ZFAND3: variants seen among roughly 807,000 people sequenced by gnomAD.
ZFAND3 encodes the protein zinc finger AN1-type containing 3, also known as AN1-type zinc finger protein 3.
A neutral mutation model predicts 29.6 loss-of-function variants in ZFAND3; 10 were observed. That is an observed-to-expected ratio of 0.34 (90% CI 0.21 to 0.57). The LOEUF (loss-of-function observed/expected upper bound fraction) is 0.57, where lower values mean the gene tolerates loss of function less well. Among genes scored for constraint, ZFAND3 ranks in the 20% least tolerant of loss-of-function variants. The probability of loss-of-function intolerance (pLI) is 0.86; values close to 1 mark genes in which losing one functional copy is unlikely to be tolerated. For missense variants in ZFAND3, 230 were observed against 304.5 expected (o/e 0.76, Z 1.82); for synonymous variants, 128 against 112.6 (o/e 1.14, Z -0.87).
At chr6:38,052,677 A>G (rs1220843466) in intron 2 of ZFAND3, among the ~76,000 whole-genome samples, 6 of 152,120 alleles carry the variant, frequency 3.9e-5, no homozygotes. Flanking sequence ...GAGTTCAAAT[A>G]TGAGTAGGAT....
chr6:38,012,075 G>T (rs546811029), intron 2 of ZFAND3, among the ~76,000 whole-genome samples: 74 of 152,246 alleles, frequency 4.9e-4, no homozygotes, highest in African/African-American at 1.7e-3. Context: ...CACTGCGTCA[G>T]TTATGTTAAA....
intron 2 of ZFAND3, among the ~76,000 whole-genome samples, chr6:37,952,073 A>AT (rs1445412330): frequency 3.3e-5 from 5 of 152,194 alleles, no homozygotes; most frequent in Non-Finnish European, 7.3e-5. Context: ...ATAGTGGATT[A>AT]GCTTTATGAT....
intron 4 of ZFAND3, among the ~76,000 whole-genome samples, chr6:38,109,200 T>C (rs943019671): frequency 3.3e-5 from 5 of 150,052 alleles, no homozygotes; most frequent in Admixed American, 3.3e-4. Context: ...TTTTTTTTCT[T>C]GAGACAGAGT....
chr6:38,149,366 C>T (rs1024272040), intron 5 of ZFAND3, among the ~76,000 whole-genome samples: 1 of 149,544 alleles, frequency 6.7e-6, no homozygotes, highest in Non-Finnish European at 1.5e-5. Context: ...GAGCTAGGAT[C>T]GCACCACAGC....
intron 1 of ZFAND3, among the ~76,000 whole-genome samples, chr6:37,868,609 T>C (rs980190564): frequency 2.0e-5 from 3 of 152,168 alleles, no homozygotes; most frequent in Non-Finnish European, 2.9e-5. Context: ...CCAAAGAGTT[T>C]TGAGAAAGTG....
At chr6:38,016,611 C>A (rs1340551269) in intron 2 of ZFAND3, among the ~76,000 whole-genome samples, 2 of 152,160 alleles carry the variant, frequency 1.3e-5, no homozygotes, top group South Asian at 2.1e-4. Context: ...GTTAAACTTA[C>A]AATTTTGCAG....
intron 4 of ZFAND3, among the ~76,000 whole-genome samples, chr6:38,093,516 G>A (rs1049627046): frequency 6.6e-6 from 1 of 152,152 alleles, no homozygotes; most frequent in Non-Finnish European, 1.5e-5. Flanking sequence ...GAAGAAGAAT[G>A]GGGGGTAAGG....
At chr6:38,007,723 C>T (rs1027290309) in intron 2 of ZFAND3, among the ~76,000 whole-genome samples, 2 of 152,080 alleles carry the variant, frequency 1.3e-5, no homozygotes, top group Non-Finnish European at 2.9e-5. Context: ...TCCTGCACAG[C>T]CACAGAGGGG....
intron 3 of ZFAND3, among the ~76,000 whole-genome samples, chr6:38,065,364 T>G (rs1224253289): frequency 1.3e-5 from 2 of 148,726 alleles, no homozygotes; most frequent in African/African-American, 4.9e-5. Context: ...AACCTGTGAG[T>G]GAAACTTCTG....
intron 2 of ZFAND3, among the ~76,000 whole-genome samples, chr6:38,007,525 A>C (rs1763071813): frequency 6.6e-6 from 1 of 152,190 alleles, no homozygotes. Flanking sequence ...AGTCTGGGTG[A>C]CAGAGTGAGA....
intron 2 of ZFAND3, among the ~76,000 whole-genome samples, chr6:38,027,267 G>T (rs895842335): frequency 1.3e-5 from 2 of 152,198 alleles, no homozygotes; most frequent in Non-Finnish European, 2.9e-5. Flanking sequence ...TATGAATTTG[G>T]CAAGTGCCTT....
rs146903814 is a variant in ZFAND3 at position 38,035,234 on chromosome 6, A to C, written c.113-26359A>C. ...ACTTAAAAGTATTTTGCTTAAGAAAATATCTTCACATGTGACATCCCGAAT... is the reference window on the plus strand; with the variant it reads ...ACTTAAAAGTATTTTGCTTAAGAAACTATCTTCACATGTGACATCCCGAAT... On this transcript the variant is annotated intron_variant, in intron 2 of 5. Transcript: ENST00000287218. 2.2e-3 allele frequency among the ~76,000 whole-genome samples: 336 copies of C among 152,244 alleles called. 1 individual carries two copies. Among genetic ancestry groups the C allele is most frequent in the African/African-American group, 7.8e-3 (325 of 41,524 alleles).
chr6:37,902,737 C>CTTTTTTTTTTTTT (rs11448512), intron 1 of ZFAND3, among the ~76,000 whole-genome samples: 8 of 100,450 alleles, frequency 8.0e-5, no homozygotes, highest in African/African-American at 7.9e-5. Flanking sequence ...CTTTTACTTA[C>CTTTTTTTTTTTTT]TTTTTTTTTT....
chr6:38,008,931 C>T (rs1581835201), intron 2 of ZFAND3, among the ~76,000 whole-genome samples: 2 of 152,070 alleles, frequency 1.3e-5, no homozygotes, highest in South Asian at 2.1e-4. Flanking sequence ...TTTATGCTTA[C>T]ATCCAGGGTT....
Position 38,154,375 on chromosome 6 carries a change from G to A in ZFAND3, c.*1986G>A. 2 of 833,254 alleles carry A rather than the reference G, an allele frequency of 2.4e-6. No individual in the cohort carries two copies. The highest frequency in any genetic ancestry group is 3.7e-5 in the African/African-American group (2 of 53,954). The allele number at this position is 833,254 out of a possible 1,614,324, so 51.6% of individuals were successfully genotyped here. On this transcript the variant is annotated 3_prime_UTR_variant, in exon 6 of 6. Transcript: ENST00000287218. ...ATGTTCGCTTCCTGACTTAGAGCTGGGGGGGGTGGGGGGTGGGGCTTGTTC... is the reference window on the plus strand; with the variant it reads ...ATGTTCGCTTCCTGACTTAGAGCTGAGGGGGGTGGGGGGTGGGGCTTGTTC...
intron 2 of ZFAND3, among the ~76,000 whole-genome samples, chr6:37,969,738 G>A (rs1205049751): frequency 1.3e-5 from 2 of 152,158 alleles, no homozygotes; most frequent in Non-Finnish European, 2.9e-5. Flanking sequence ...ACTTGCTTCA[G>A]TAGTTATTGA....
chr6:38,053,043 A>G (rs181388919), intron 2 of ZFAND3, among the ~76,000 whole-genome samples: 133 of 150,710 alleles, frequency 8.8e-4, no homozygotes, highest in African/African-American at 2.9e-3. Flanking sequence ...CGAAAAAAAA[A>G]AAAAAGAAAA....
At chr6:37,824,304 A>C (rs1363201270) in intron 1 of ZFAND3, among the ~76,000 whole-genome samples, 2 of 152,232 alleles carry the variant, frequency 1.3e-5, no homozygotes, top group African/African-American at 4.8e-5. Flanking sequence ...AACTATACAG[A>C]TATAAGTGGT....
chr6:37,997,583 G>C (rs1238983421), intron 2 of ZFAND3, among the ~76,000 whole-genome samples: 2 of 152,180 alleles, frequency 1.3e-5, no homozygotes, highest in East Asian at 3.9e-4. Context: ...CCACTGCAAG[G>C]AGGGAGGGAT....
Sources: gnomAD v4.1 joint callset for allele counts (sites outside exome capture counted in the v4.1 genomes callset) on GRCh38, gnomAD v4.1.1 for gene constraint, MANE v1.5 for transcripts, NCBI Gene and HGNC (gene_info 2026-07-23, HGNC 2026-07-21) for gene names.